ST8SIA6: variants seen among roughly 807,000 people sequenced by gnomAD.
The protein encoded by ST8SIA6 is ST8 alpha-N-acetyl-neuraminide alpha-2,8-sialyltransferase 6.
Under a neutral mutation model 33.6 loss-of-function variants are expected in ST8SIA6, and 39 were observed. That is an observed-to-expected ratio of 1.16 (90% CI 0.90 to 1.52). ST8SIA6 has a LOEUF of 1.52. Ranked by LOEUF, ST8SIA6 falls within the 40% of genes most tolerant of loss-of-function variation. The probability of loss-of-function intolerance (pLI) is 0.00; values close to 1 mark genes in which losing one functional copy is unlikely to be tolerated. For missense variants in ST8SIA6, 441 were observed against 443.8 expected (o/e 0.99, Z 0.06); for synonymous variants, 172 against 167.2 (o/e 1.03, Z -0.22).
At chr10:17,391,589 C>T (rs953309120) in intron 2 of ST8SIA6, among the ~76,000 whole-genome samples, 1 of 152,132 alleles carries the variant, frequency 6.6e-6, no homozygotes, top group Non-Finnish European at 1.5e-5. Context: ...ATGTTTTCTT[C>T]GGTAGAAAAT....
At chr10:17,354,820 C>A (rs1241682205) in intron 4 of ST8SIA6, among the ~76,000 whole-genome samples, 1 of 152,158 alleles carries the variant, frequency 6.6e-6, no homozygotes, top group Non-Finnish European at 1.5e-5. Context: ...CTGATGAAAG[C>A]CACAGATTCT....
intron 2 of ST8SIA6, among the ~76,000 whole-genome samples, chr10:17,405,781 C>A (rs554972744): frequency 3.3e-5 from 5 of 150,628 alleles, no homozygotes; most frequent in Admixed American, 2.7e-4. Flanking sequence ...ACTCAGGAGA[C>A]TGAGGCAGGA....
intron 2 of ST8SIA6, chr10:17,403,621 A>G (rs1851132347): frequency 6.6e-6 from 1 of 152,198 alleles, no homozygotes; most frequent in South Asian, 2.1e-4. Context: ...CTGGTCTAAT[A>G]TACATATCTT....
chr10:17,420,864 G>A (rs997644994), intron 2 of ST8SIA6, among the ~76,000 whole-genome samples: 11 of 152,204 alleles, frequency 7.2e-5, no homozygotes, highest in East Asian at 1.9e-4. Context: ...ACTTACAGTC[G>A]TGGCGGAAGG....
Position 17,321,116 on chromosome 10 carries a change from C to T in ST8SIA6, c.959G>A (p.Arg320His), listed in dbSNP as rs765868275. ...TGTGATCATCAAGCCGGTGGACAAG[C>T]GGTATGCAGTCACACCTTTAGTTCT... ...FWRTKGVTAY[R>H]LSTGLMITSV... Residue 320 changes from arginine (R) to histidine (H), a missense_variant, in exon 8 of 8, where the codon CGC becomes CAC. Transcript: ENST00000377602. 2.0e-5 allele frequency: 32 copies of T among 1,613,930 alleles called. No homozygotes were observed. The African/African-American group carries it at 2.1e-4, about 11-fold the overall frequency.
Position 17,331,465 on chromosome 10 carries a change from C to G in ST8SIA6, c.465G>C (p.Glu155Asp), listed in dbSNP as rs184856056. The G allele has an allele frequency of 6.2e-7, 1 of 1,613,324 alleles. No homozygotes were observed. The highest frequency in any genetic ancestry group is 1.3e-5 in the African/African-American group (1 of 74,936). The change falls in exon 5 of 8, where the codon GAG becomes GAC. Residue 155 changes from glutamate (E) to aspartate (D), a missense_variant. By Grantham distance (45) the Glu-to-Asp change is conservative (BLOSUM62 2). Coordinates refer to ENST00000377602, the MANE Select transcript of ST8SIA6 (RefSeq NM_001004470.3). ...NTPVGTNMSY[E>D]VESKKEIPIK... ...TTGGGATTTCTTTTTTGCTTTCCAC[C>G]TCGTAACTCATATTAGTCCCAACTG...
intron 3 of ST8SIA6, among the ~76,000 whole-genome samples, chr10:17,381,857 T>A (rs189067257): frequency 3.9e-5 from 6 of 152,362 alleles, no homozygotes; most frequent in Admixed American, 3.9e-4. Context: ...TTAGGCAGTC[T>A]AGTCCACAGA....
At position 17,320,661 on chromosome 10, in the gene ST8SIA6, T is replaced by C. The variant is rs1014758767; in HGVS notation, c.*217A>G. On this transcript the variant is annotated 3_prime_UTR_variant, in exon 8 of 8. Transcript: ENST00000377602. ...TTTTCATAAATTATAAAAATTTGTA[T>C]GAGTCAGATATGGTGTCCATGTTAT... is the stretch of plus-strand genomic sequence containing the variant. 1 of 506,014 alleles carries C rather than the reference T, an allele frequency of 2.0e-6. No individual in the cohort carries two copies. The highest frequency in any genetic ancestry group is 3.4e-6 in the Non-Finnish European group (1 of 297,290). 31.3% of individuals were successfully genotyped at this position (506,014 alleles called of 1,614,324 possible).
At chr10:17,430,234 TTTC>T (rs1222994069) in intron 2 of ST8SIA6, among the ~76,000 whole-genome samples, 1 of 152,226 alleles carries the variant, frequency 6.6e-6, no homozygotes, top group Non-Finnish European at 1.5e-5. Context: ...CATTATTTTG[TTTC>T]TTCTTATGGC....
chr10:17,334,694 T>C (rs1848450668), intron 4 of ST8SIA6, among the ~76,000 whole-genome samples: 1 of 151,902 alleles, frequency 6.6e-6, no homozygotes, highest in Admixed American at 6.6e-5. Flanking sequence ...GTGGGGTGAA[T>C]TTAAAGTTGC....
At chr10:17,391,498 G>A (rs894092705) in intron 2 of ST8SIA6, among the ~76,000 whole-genome samples, 7 of 150,318 alleles carry the variant, frequency 4.7e-5, no homozygotes, top group South Asian at 2.1e-4. Flanking sequence ...TCCTGACCTC[G>A]TGATCCGCCT....
At chr10:17,438,917 T>G (rs953927969) in intron 2 of ST8SIA6, among the ~76,000 whole-genome samples, 3 of 152,234 alleles carry the variant, frequency 2.0e-5, no homozygotes, top group African/African-American at 7.2e-5. Flanking sequence ...TTTGAGCCTC[T>G]TCACATAATT....
At chr10:17,354,386 C>G (rs1291025850) in intron 4 of ST8SIA6, among the ~76,000 whole-genome samples, 1 of 151,986 alleles carries the variant, frequency 6.6e-6, no homozygotes, top group Non-Finnish European at 1.5e-5. Context: ...ACAAATTATT[C>G]TGTGCATTAG....
chr10:17,428,872 C>CTGCTGGGA (rs1451004233), intron 2 of ST8SIA6, among the ~76,000 whole-genome samples: 3 of 152,144 alleles, frequency 2.0e-5, no homozygotes, highest in Non-Finnish European at 4.4e-5. Flanking sequence ...GGCAGAAAGC[C>CTGCTGGGA]TGCTGGGAGA....
At position 17,357,344 on chromosome 10, in the gene ST8SIA6, G is replaced by C. The variant is rs543588748; in HGVS notation, c.377+2170C>G. 4.6e-5 allele frequency among the ~76,000 whole-genome samples: 7 copies of C among 151,282 alleles called. No homozygotes were observed. In the South Asian group the frequency reaches 1.5e-3, roughly 32 times the overall value. ...GTAGAGACGGGGTTCCACCATGTTGGTCAGGCTGCTTTTGATCTCCTGATC... is the reference window on the plus strand; with the variant it reads ...GTAGAGACGGGGTTCCACCATGTTGCTCAGGCTGCTTTTGATCTCCTGATC... On this transcript the variant is annotated intron_variant, in intron 4 of 7. Transcript: ENST00000377602.
At position 17,337,790 on chromosome 10, in the gene ST8SIA6, T is replaced by C. The variant is rs1012771233; in HGVS notation, c.378-6238A>G. 6.6e-5 allele frequency among the ~76,000 whole-genome samples: 10 copies of C among 152,304 alleles called. 1 individual carries two copies. The highest frequency in any genetic ancestry group is 4.6e-4 in the Admixed American group (7 of 15,296). On this transcript the variant is annotated intron_variant, in intron 4 of 7. Coordinates refer to ENST00000377602, the MANE Select transcript of ST8SIA6 (RefSeq NM_001004470.3). The stretch of plus-strand genomic sequence containing the variant: ...TCACAATAATGGGTATGGCCATTGC[T>C]CCCTTCTTGGGTAAAAAGAAGAGGA...
At chr10:17,394,055 A>G (rs1039422747) in intron 2 of ST8SIA6, among the ~76,000 whole-genome samples, 2 of 152,216 alleles carry the variant, frequency 1.3e-5, no homozygotes, top group African/African-American at 4.8e-5. Context: ...TTGAATTACG[A>G]TGGCGTTGCA....
chr10:17,379,417 G>T lies in ST8SIA6; in HGVS notation c.290+11114C>A, dbSNP rs148757281. On this transcript the variant is annotated intron_variant, in intron 3 of 7. Coordinates refer to ENST00000377602, the MANE Select transcript of ST8SIA6 (RefSeq NM_001004470.3). Reference sequence around the variant, plus strand: ...GTCAAGGATGTAGGCCAGGAGTGTCGGGTCACACCTGTGAAAGGAAAATAT... The same window carrying T: ...GTCAAGGATGTAGGCCAGGAGTGTCTGGTCACACCTGTGAAAGGAAAATAT... Among the ~76,000 whole-genome samples the T allele has an allele frequency of 1.6e-3, 242 of 152,206 alleles. 1 individual carries two copies. The highest frequency in any genetic ancestry group is 5.4e-3 in the African/African-American group (223 of 41,530).
At chr10:17,322,601 G>T (rs1847994991) in intron 7 of ST8SIA6, among the ~76,000 whole-genome samples, 2 of 152,202 alleles carry the variant, frequency 1.3e-5, no homozygotes, top group Admixed American at 1.3e-4. Flanking sequence ...GCCAACAATT[G>T]TATGGTAGTT....
Sources: gnomAD v4.1 joint callset for allele counts (sites outside exome capture counted in the v4.1 genomes callset) on GRCh38, gnomAD v4.1.1 for gene constraint, MANE v1.5 for transcripts, NCBI Gene and HGNC (gene_info 2026-07-23, HGNC 2026-07-21) for gene names.